The following ANKS1B variants were observed in gnomAD, a reference collection of about 807,000 sequenced individuals.
The protein encoded by ANKS1B is ankyrin repeat and sterile alpha motif domain-containing protein 1B.
A neutral mutation model predicts 148.3 loss-of-function variants in ANKS1B; 36 were observed. The observed-to-expected ratio is 0.24, with a 90% CI of 0.19 to 0.32. ANKS1B has a LOEUF of 0.32. Ranked by LOEUF, ANKS1B falls within the 10% of genes least tolerant of loss-of-function variation. The pLI is 1.00. For missense variants in ANKS1B, 1,157 were observed against 1,542.6 expected (o/e 0.75, Z 4.19); for synonymous variants, 542 against 560.8 (o/e 0.97, Z 0.47).
At chr12:98,880,506 C>G (rs1443651854) in intron 17 of ANKS1B, among the ~76,000 whole-genome samples, 3 of 152,096 alleles carry the variant, frequency 2.0e-5, no homozygotes, top group Non-Finnish European at 2.9e-5. Context: ...GTGGCTCATG[C>G]CTGTAATCCC....
rs563282297 is a variant in ANKS1B, at chr12:99,428,876, C to T, written c.1575+14797G>A. On this transcript the variant is annotated intron_variant, in intron 11 of 26. Coordinates refer to ENST00000683438, the MANE Select transcript of ANKS1B (RefSeq NM_001352186.2). ...ATATATGAGATAAGCCTAGAAATCC[C>T]GATGTTCCAGAAAGTAAGGAATGCT... Among the ~76,000 whole-genome samples, 43 of 152,082 alleles carry T rather than the reference C, an allele frequency of 2.8e-4. 1 individual carries two copies. The highest frequency in any genetic ancestry group is 7.9e-4 in the Admixed American group (12 of 15,254).
At chr12:98,860,710 T>C (rs1383014660) in intron 17 of ANKS1B, among the ~76,000 whole-genome samples, 1 of 152,066 alleles carries the variant, frequency 6.6e-6, no homozygotes, top group Admixed American at 6.6e-5. Flanking sequence ...CAACACACAC[T>C]GGGGCCTGTC....
intron 10 of ANKS1B, among the ~76,000 whole-genome samples, chr12:99,467,672 G>A (rs1015944635): frequency 7.0e-4 from 106 of 152,098 alleles, no homozygotes; most frequent in African/African-American, 2.3e-3. Flanking sequence ...CAAATCATGA[G>A]TGAACTCCCA....
At chr12:99,529,050 C>T (rs528142217) in intron 9 of ANKS1B, among the ~76,000 whole-genome samples, 1 of 152,288 alleles carries the variant, frequency 6.6e-6, no homozygotes, top group Admixed American at 6.5e-5. Context: ...TCTGGCACTA[C>T]TGTGTAGAAA....
chr12:99,737,101 C>T (rs1443373854), intron 8 of ANKS1B, among the ~76,000 whole-genome samples: 1 of 152,072 alleles, frequency 6.6e-6, no homozygotes, highest in Non-Finnish European at 1.5e-5. Context: ...TAAATTAGTA[C>T]AGCTGCTATG....
chr12:99,260,117 G>A (rs987588820), intron 12 of ANKS1B, among the ~76,000 whole-genome samples: 2 of 151,940 alleles, frequency 1.3e-5, no homozygotes, highest in African/African-American at 4.8e-5. Flanking sequence ...CAAGAGTGTT[G>A]GTCCTTTGGT....
At chr12:99,134,777 G>T (rs923244068) in intron 15 of ANKS1B, among the ~76,000 whole-genome samples, 2 of 151,728 alleles carry the variant, frequency 1.3e-5, no homozygotes, top group Admixed American at 6.6e-5. Flanking sequence ...AAGCCTTTCT[G>T]GGGAGAGCTG....
chr12:99,850,087 G>T, intron 1 of ANKS1B, among the ~76,000 whole-genome samples: 1 of 152,022 alleles, frequency 6.6e-6, no homozygotes, highest in East Asian at 1.9e-4. Flanking sequence ...CAGCAGGAAT[G>T]GAGATTTCAT....
At chr12:98,814,578 C>T (rs1395333766) in intron 19 of ANKS1B, among the ~76,000 whole-genome samples, 7 of 152,058 alleles carry the variant, frequency 4.6e-5, no homozygotes, top group Non-Finnish European at 8.8e-5. Flanking sequence ...GCCAGCTTGC[C>T]GAAGAGAGAA....
At chr12:98,927,945 A>C (rs1453679605) in intron 17 of ANKS1B, among the ~76,000 whole-genome samples, 1 of 151,766 alleles carries the variant, frequency 6.6e-6, no homozygotes, top group African/African-American at 2.4e-5. Flanking sequence ...AGTAGAAATA[A>C]ATAATTTAGA....
At chr12:99,797,449 A>C (rs912480756) in intron 4 of ANKS1B, among the ~76,000 whole-genome samples, 1 of 151,966 alleles carries the variant, frequency 6.6e-6, no homozygotes, top group Non-Finnish European at 1.5e-5. Context: ...ACAAAGAAAC[A>C]ACACTGAACA....
chr12:99,224,211 T>C (rs944468771), intron 14 of ANKS1B, among the ~76,000 whole-genome samples: 51 of 152,196 alleles, frequency 3.4e-4, no homozygotes, highest in Non-Finnish European at 2.9e-5. Flanking sequence ...GAAAAAAGAA[T>C]ACACTGACCT....
chr12:99,625,273 C>T (rs1053499803), intron 9 of ANKS1B, among the ~76,000 whole-genome samples: 1 of 152,028 alleles, frequency 6.6e-6, no homozygotes, highest in Non-Finnish European at 1.5e-5. Context: ...TGAAAAACTT[C>T]CTACTGGTTG....
intron 17 of ANKS1B, among the ~76,000 whole-genome samples, chr12:99,004,307 A>C (rs2153381854): frequency 6.6e-6 from 1 of 152,246 alleles, no homozygotes; most frequent in East Asian, 1.9e-4. Flanking sequence ...GACTTCAAGC[A>C]AGTTACTTTA....
At chr12:99,852,798 G>A (rs907320912) in intron 1 of ANKS1B, among the ~76,000 whole-genome samples, 1 of 152,234 alleles carries the variant, frequency 6.6e-6, no homozygotes, top group Non-Finnish European at 1.5e-5. Context: ...TTCTCAGCTG[G>A]GAGGCTTGTA....
intron 15 of ANKS1B, among the ~76,000 whole-genome samples, chr12:99,090,733 G>C (rs2153645042): frequency 6.6e-6 from 1 of 152,180 alleles, no homozygotes; most frequent in Middle Eastern, 3.4e-3. Context: ...GAGTCAATTT[G>C]ATATCAATTT....
chr12:99,800,910 A>G (rs902317493), intron 4 of ANKS1B, among the ~76,000 whole-genome samples: 1 of 152,128 alleles, frequency 6.6e-6, no homozygotes, highest in African/African-American at 2.4e-5. Flanking sequence ...AAGTAGGTAT[A>G]GACAGAGATG....
At chr12:99,083,006 C>T (rs992274708) in intron 16 of ANKS1B, among the ~76,000 whole-genome samples, 2 of 151,962 alleles carry the variant, frequency 1.3e-5, no homozygotes, top group Non-Finnish European at 2.9e-5. Context: ...GAGAGGTGAA[C>T]AATATGCTCA....
intron 12 of ANKS1B, among the ~76,000 whole-genome samples, chr12:99,270,998 T>A (rs753058194): frequency 1.4e-4 from 22 of 152,196 alleles, no homozygotes; most frequent in Non-Finnish European, 1.5e-4. Flanking sequence ...GAATGTGTCT[T>A]TAAAAGAGTT....
Sources: gnomAD v4.1 joint callset for allele counts (sites outside exome capture counted in the v4.1 genomes callset) on GRCh38, gnomAD v4.1.1 for gene constraint, MANE v1.5 for transcripts, NCBI Gene and HGNC (gene_info 2026-07-23, HGNC 2026-07-21) for gene names.